Variants in NRG1 observed in about 807,000 individuals in gnomAD.
NRG1 encodes neuregulin 1.
A neutral mutation model predicts 63.8 loss-of-function variants in NRG1; 18 were observed. That is an observed-to-expected ratio of 0.28 (90% CI 0.19 to 0.42). The LOEUF is 0.42. NRG1 is among the 10% of genes least tolerant of loss of function. The pLI, the probability that NRG1 is intolerant of heterozygous loss-of-function variation, is 1.00. For missense variants in NRG1, 762 were observed against 814.7 expected (o/e 0.94, Z 0.79); for synonymous variants, 302 against 301.3 (o/e 1.00, Z -0.02).
chr8:32,234,262 T>A (rs1424153914), intron 1 of NRG1, among the ~76,000 whole-genome samples: 2 of 152,120 alleles, frequency 1.3e-5, no homozygotes, highest in African/African-American at 4.8e-5. Context: ...TTAACGAAAA[T>A]GAAGAAAACC....
rs1389931279 is a variant in NRG1, at chr8:32,728,547, T to A, written c.632+469T>A. 8 of 985,170 alleles carry A rather than the reference T, an allele frequency of 8.1e-6. No individual in the cohort carries two copies. The South Asian group carries it at 3.3e-4, about 40-fold the overall frequency. The allele number at this position is 985,170 out of a possible 1,614,324, so 61.0% of individuals were successfully genotyped here. ...AGAAGATTATTTACTGACATATATC[T>A]ATTACACTTGGGATTGTCTTACTGT... On this transcript the variant is annotated intron_variant, in intron 6 of 11. Transcript: ENST00000356819.
chr8:31,655,960 A>G (rs1805398286), intron 1 of NRG1, among the ~76,000 whole-genome samples: 1 of 152,226 alleles, frequency 6.6e-6, no homozygotes, highest in South Asian at 2.1e-4. Context: ...GCAGGAGAAG[A>G]AGCCCTTGTT....
chr8:32,518,036 T>C (rs987115158), intron 1 of NRG1, among the ~76,000 whole-genome samples: 24 of 152,146 alleles, frequency 1.6e-4, no homozygotes, highest in African/African-American at 5.8e-4. Context: ...TGTCAAGATC[T>C]AAGGAAAAGA....
intron 1 of NRG1, among the ~76,000 whole-genome samples, chr8:32,144,866 A>C (rs1212905693): frequency 1.3e-5 from 2 of 152,088 alleles, no homozygotes; most frequent in East Asian, 3.9e-4. Flanking sequence ...TTCTAAGTTT[A>C]TTGCTGGGTT....
At chr8:32,757,812 TAAATA>T (rs1188953444) in intron 9 of NRG1, among the ~76,000 whole-genome samples, 1 of 152,226 alleles carries the variant, frequency 6.6e-6, no homozygotes, top group African/African-American at 2.4e-5. Flanking sequence ...TTGTGAGCCT[TAAATA>T]AGGTAATTTG....
intron 5 of NRG1, among the ~76,000 whole-genome samples, chr8:32,716,436 A>C (rs764179714): frequency 6.6e-6 from 1 of 152,198 alleles, no homozygotes; most frequent in Admixed American, 6.5e-5. Context: ...TATTAAACAC[A>C]TGCTTGCAGC....
intron 1 of NRG1, among the ~76,000 whole-genome samples, chr8:31,794,852 G>T (rs1032775840): frequency 1.6e-4 from 24 of 151,932 alleles, no homozygotes; most frequent in Admixed American, 6.6e-5. Flanking sequence ...ACCCAGGCTG[G>T]AGTGCAGCAG....
At chr8:32,059,246 A>G (rs1379224890) in intron 1 of NRG1, among the ~76,000 whole-genome samples, 1 of 151,612 alleles carries the variant, frequency 6.6e-6, no homozygotes, top group Admixed American at 6.6e-5. Context: ...TTTACTCTCT[A>G]TCATATTATC....
chr8:32,749,457 A>G (rs1166442281), intron 7 of NRG1: 19 of 1,148,600 alleles, frequency 1.7e-5, no homozygotes, highest in Non-Finnish European at 2.3e-5. Context: ...ATGCACAGAG[A>G]GCCATAATAG....
chr8:32,771,736 A>C (rs2129067088), downstream of NRG1, among the ~76,000 whole-genome samples: 1 of 143,274 alleles, frequency 7.0e-6, no homozygotes, highest in South Asian at 2.2e-4. Context: ...ATATATATAT[A>C]TATAGGCCTG....
At chr8:32,249,935 C>T (rs772923396) in intron 1 of NRG1, among the ~76,000 whole-genome samples, 8 of 151,964 alleles carry the variant, frequency 5.3e-5, no homozygotes, top group South Asian at 2.1e-4. Context: ...CAAGAAAAAA[C>T]GGGAGTCATC....
rs555473430 is a variant in NRG1 at position 32,510,535 on chromosome 8, G to A, written c.38-85293G>A. Among the ~76,000 whole-genome samples, 18 of 152,148 alleles carry A rather than the reference G, an allele frequency of 1.2e-4. No homozygotes were observed. The South Asian group carries it at 2.1e-3, about 18-fold the overall frequency. On this transcript the variant is annotated intron_variant, in intron 1 of 10. Coordinates refer to the NRG1 transcript ENST00000519301. ...AGAAATAAAAAAGTACCCAGAAGTC[G>A]CAGGACTCTAATAAAATGGAACATC...
At chr8:32,688,165 T>C (rs754273840) in intron 5 of NRG1, among the ~76,000 whole-genome samples, 19 of 152,196 alleles carry the variant, frequency 1.2e-4, no homozygotes, top group Admixed American at 2.0e-4. Flanking sequence ...GGCATAAGGC[T>C]ACCAATATGT....
intron 1 of NRG1, among the ~76,000 whole-genome samples, chr8:32,239,244 G>T (rs1404961334): frequency 1.4e-5 from 2 of 147,164 alleles, no homozygotes; most frequent in African/African-American, 5.1e-5. Context: ...GACAAAAAAT[G>T]CAAAAGTAAT....
rs149905333 is a variant in NRG1 at position 32,637,371 on chromosome 8, T to C, written c.502+20486T>C. ...GGATTATGCTATCAAATAGAATATA[T>C]GTTTCTCTCAAATAAGCCACCATAT... On this transcript the variant is annotated intron_variant, in intron 5 of 11. Coordinates refer to ENST00000356819, the Ensembl canonical transcript of NRG1. Among the ~76,000 whole-genome samples the C allele has an allele frequency of 4.1e-3, 630 of 152,314 alleles. 4 individuals carry two copies. The highest frequency in any genetic ancestry group is 0.014 in the African/African-American group (589 of 41,578).
chr8:31,901,074 T>G (rs932119411), intron 1 of NRG1, among the ~76,000 whole-genome samples: 14 of 152,310 alleles, frequency 9.2e-5, no homozygotes, highest in Admixed American at 9.2e-4. Context: ...TACTCAAAAT[T>G]TAGACACTAA....
chr8:32,648,085 T>C lies in NRG1; in HGVS notation c.502+31200T>C, dbSNP rs999654307. Reference sequence around the variant, plus strand: ...GGGGGGTTAGGCCAGGACCCTATTATTTCTCTGGACGCAACTGCTGCCTCA... The same window carrying C: ...GGGGGGTTAGGCCAGGACCCTATTACTTCTCTGGACGCAACTGCTGCCTCA... On this transcript the variant is annotated intron_variant, in intron 5 of 11. Coordinates refer to ENST00000356819, the Ensembl canonical transcript of NRG1. 2.7e-5 allele frequency: 43 copies of C among 1,613,972 alleles called. 1 individual carries two copies. The highest frequency in any genetic ancestry group is 3.5e-5 in the Non-Finnish European group (41 of 1,180,022).
intron 1 of NRG1, among the ~76,000 whole-genome samples, chr8:31,857,334 G>T (rs1374657595): frequency 6.6e-6 from 1 of 152,226 alleles, no homozygotes; most frequent in African/African-American, 2.4e-5. Flanking sequence ...TTTTAAGCCG[G>T]TTGGAAAAGC....
At chr8:32,459,603 TAAAA>T (rs1322128327) in intron 1 of NRG1, among the ~76,000 whole-genome samples, 1 of 141,808 alleles carries the variant, frequency 7.1e-6, no homozygotes, top group Admixed American at 7.0e-5. Context: ...CATTTCTAAT[TAAAA>T]AAAAAAAAAA....
Sources: gnomAD v4.1 joint callset for allele counts (sites outside exome capture counted in the v4.1 genomes callset) on GRCh38, gnomAD v4.1.1 for gene constraint, MANE v1.5 for transcripts, NCBI Gene and HGNC (gene_info 2026-07-23, HGNC 2026-07-21) for gene names.